LEF1: variants seen among roughly 807,000 people sequenced by gnomAD.
LEF1 encodes the protein lymphoid enhancer binding factor 1.
In LEF1, 14 loss-of-function variants were observed where a neutral mutation model predicts 51.2. That is an observed-to-expected ratio of 0.27 (90% CI 0.18 to 0.43). The LOEUF (loss-of-function observed/expected upper bound fraction) is 0.43. LEF1 is among the 20% of genes least tolerant of loss of function. The pLI, the probability that LEF1 is intolerant of heterozygous loss-of-function variation, is 1.00. For missense variants in LEF1, 386 were observed against 512.0 expected, an observed-to-expected ratio of 0.75 and a Z score of 2.37; for synonymous variants, 185 against 183.2, an observed-to-expected ratio of 1.01 and a Z score of -0.08.
chr4:108,155,090 TTCTC>T (rs2110404059), intron 3 of LEF1, among the ~76,000 whole-genome samples: 1 of 152,248 alleles, frequency 6.6e-6, no homozygotes, highest in East Asian at 1.9e-4. Context: ...TGGATATCCT[TTCTC>T]TATAATTTTT....
chr4:108,148,963 T>C (rs17038668), intron 3 of LEF1, among the ~76,000 whole-genome samples: 1,567 of 152,306 alleles, frequency 0.01, 31 homozygotes, highest in African/African-American at 0.035. Flanking sequence ...TACTATGAAT[T>C]TTCTTATATT....
intron 8 of LEF1, chr4:108,071,861 C>T (rs1261951897): frequency 6.6e-6 from 1 of 152,602 alleles, no homozygotes; most frequent in East Asian, 1.9e-4. Context: ...AGCACATACA[C>T]ATGCAAAACA....
At chr4:108,147,397 C>T (rs759814515) in intron 3 of LEF1, among the ~76,000 whole-genome samples, 3 of 152,088 alleles carry the variant, frequency 2.0e-5, no homozygotes, top group South Asian at 2.1e-4. Flanking sequence ...GAATTATGAA[C>T]GGTTTTTTCA....
chr4:108,072,625 A>G (rs1269029850), intron 8 of LEF1, among the ~76,000 whole-genome samples: 2 of 152,232 alleles, frequency 1.3e-5, no homozygotes, highest in Non-Finnish European at 2.9e-5. Flanking sequence ...TTTTGTTTAA[A>G]AAAAAAATTA....
intron 3 of LEF1, among the ~76,000 whole-genome samples, chr4:108,094,166 C>A (rs1030181972): frequency 2.0e-5 from 3 of 152,198 alleles, no homozygotes; most frequent in South Asian, 2.1e-4. Context: ...TTGGGCCACA[C>A]CTGAGAGCAT....
chr4:108,122,022 A>G (rs949876706), intron 3 of LEF1, among the ~76,000 whole-genome samples: 3 of 152,194 alleles, frequency 2.0e-5, no homozygotes, highest in Non-Finnish European at 4.4e-5. Context: ...TAATCCTTTG[A>G]AGTTTTTTAA....
At chr4:108,066,013 C>T (rs200390647) in intron 9 of LEF1, among the ~76,000 whole-genome samples, 1 of 152,286 alleles carries the variant, frequency 6.6e-6, no homozygotes, top group African/African-American at 2.4e-5. Flanking sequence ...AGCGATGTTC[C>T]TGCCTCAGCC....
chr4:108,167,786 T>C lies in LEF1; in HGVS notation c.-19A>G. 1 of 1,606,802 alleles carries C rather than the reference T, an allele frequency of 6.2e-7. No homozygotes were observed. Among genetic ancestry groups the C allele is most frequent in the Non-Finnish European group, 8.5e-7 (1 of 1,177,936 alleles). ...GGGGCATCCCGGCGGCTCTGTAATC[T>C]CCGCTCCGCTGTGGGAGCACCCGCG... On this transcript the variant is annotated 5_prime_UTR_variant, in exon 1 of 12. Transcript: ENST00000265165. The surrounding 1 kb of genome is among the most constrained non-coding windows in gnomAD (Gnocchi z 5.7).
At chr4:108,084,539 T>A (rs867805794) in intron 4 of LEF1, among the ~76,000 whole-genome samples, 1 of 152,342 alleles carries the variant, frequency 6.6e-6, no homozygotes, top group South Asian at 2.1e-4. Context: ...AGCCTTCACA[T>A]TGGGAATGAC....
intron 3 of LEF1, among the ~76,000 whole-genome samples, chr4:108,143,740 C>A (rs1340564402): frequency 6.6e-6 from 1 of 152,148 alleles, no homozygotes; most frequent in African/African-American, 2.4e-5. Flanking sequence ...TGAGAGAACA[C>A]AGCACCACTT....
intron 3 of LEF1, among the ~76,000 whole-genome samples, chr4:108,157,166 CTCTATA>C (rs1396176470): frequency 6.9e-5 from 8 of 116,150 alleles, no homozygotes; most frequent in African/African-American, 1.1e-4. Flanking sequence ...CTCTCTCTCT[CTCTATA>C]TATATATACA....
chr4:108,100,386 A>T (rs941325453), intron 3 of LEF1, among the ~76,000 whole-genome samples: 1 of 152,214 alleles, frequency 6.6e-6, no homozygotes, highest in Non-Finnish European at 1.5e-5. Flanking sequence ...TAACCCATGG[A>T]AAACTGTAGT....
intron 1 of LEF1, among the ~76,000 whole-genome samples, chr4:108,166,003 G>T (rs1560837059): frequency 6.6e-6 from 1 of 152,146 alleles, no homozygotes; most frequent in Non-Finnish European, 1.5e-5. Flanking sequence ...ATGGACTAAG[G>T]CAGGACTAGC....
chr4:108,142,854 C>G (rs1201466596), intron 3 of LEF1, among the ~76,000 whole-genome samples: 2 of 152,148 alleles, frequency 1.3e-5, no homozygotes, highest in Non-Finnish European at 2.9e-5. Context: ...AAAGTAGAAT[C>G]TTAAGAGAAT....
At chr4:108,080,668 A>C (rs1739223797) in intron 6 of LEF1, among the ~76,000 whole-genome samples, 1 of 152,222 alleles carries the variant, frequency 6.6e-6, no homozygotes, top group Non-Finnish European at 1.5e-5. Context: ...AAAGTATAAA[A>C]ATATGTTTTA....
chr4:108,116,144 G>A (rs75069061), intron 3 of LEF1, among the ~76,000 whole-genome samples: 255 of 152,274 alleles, frequency 1.7e-3, no homozygotes, highest in African/African-American at 6.0e-3. Flanking sequence ...CTGTGTGGGA[G>A]TTGGCTTGGA....
At chr4:108,135,178 A>T (rs1169216217) in intron 3 of LEF1, among the ~76,000 whole-genome samples, 1 of 152,106 alleles carries the variant, frequency 6.6e-6, no homozygotes, top group Non-Finnish European at 1.5e-5. Flanking sequence ...CGCTATTAAG[A>T]CTCTAAAACC....
At chr4:108,138,347 G>T (rs998746615) in intron 3 of LEF1, among the ~76,000 whole-genome samples, 2 of 152,148 alleles carry the variant, frequency 1.3e-5, no homozygotes, top group Admixed American at 6.5e-5. Context: ...CTTTACACAA[G>T]CCTATGGGTC....
At chr4:108,103,099 A>G (rs1015101504) in intron 3 of LEF1, among the ~76,000 whole-genome samples, 3 of 152,194 alleles carry the variant, frequency 2.0e-5, no homozygotes, top group Non-Finnish European at 2.9e-5. Context: ...CGTGGGTCTC[A>G]AAAGTTGACC....
Sources: allele counts gnomAD v4.1 joint callset (sites outside exome capture counted in the v4.1 genomes callset), GRCh38; gene constraint gnomAD v4.1.1; non-coding constraint Gnocchi (gnomAD v3.1); transcripts MANE v1.5; gene names NCBI Gene and HGNC (gene_info 2026-07-23, HGNC 2026-07-21).